The following SLC6A4 variants were observed in gnomAD, a reference collection of about 807,000 sequenced individuals.
The protein encoded by SLC6A4 is sodium-dependent serotonin transporter.
A neutral mutation model predicts 73.4 loss-of-function variants in SLC6A4; 22 were observed. That is an observed-to-expected ratio of 0.30 (90% CI 0.21 to 0.43). The LOEUF is 0.43. Ranked by LOEUF, SLC6A4 falls within the 20% of genes least tolerant of loss-of-function variation. The pLI, the probability that SLC6A4 is intolerant of heterozygous loss-of-function variation, is 1.00. For synonymous variants in SLC6A4, 270 were observed against 315.5 expected (o/e 0.86, Z 1.53); for missense variants, 593 against 808.5 (o/e 0.73, Z 3.23).
At position 30,194,882 on chromosome 17, in the gene SLC6A4, T is replaced by A. The variant is rs9896129; in HGVS notation, c.*3574A>T. On this transcript the variant is annotated 3_prime_UTR_variant, in exon 15 of 15. Coordinates refer to ENST00000650711, the MANE Select transcript of SLC6A4 (RefSeq NM_001045.6). ...CCCAAACGACAAAATTCTTCTTAGT[T>A]CAGTAGACATTCAAACTTATTCTGA... 627 of 152,316 alleles carry A rather than the reference T, an allele frequency of 4.1e-3. 5 individuals carry two copies. Among genetic ancestry groups the A allele is most frequent in the African/African-American group, 0.014 (596 of 41,564 alleles). The allele number at this position is 152,316 out of a possible 1,614,324, so 9.4% of individuals were successfully genotyped here.
intron 1 of SLC6A4, among the ~76,000 whole-genome samples, chr17:30,224,919 C>A (rs2143015888): frequency 6.6e-6 from 1 of 152,274 alleles, no homozygotes; most frequent in East Asian, 1.9e-4. Flanking sequence ...GTAAGCAGCT[C>A]CTGGAAGAGT....
chr17:30,204,097 T>C (rs1269044367), intron 13 of SLC6A4, among the ~76,000 whole-genome samples: 2 of 152,256 alleles, frequency 1.3e-5, no homozygotes, highest in Admixed American at 1.3e-4. Context: ...TCTGTGAGAA[T>C]TTTGACCAAG....
chr17:30,216,176 G>A lies in SLC6A4; in HGVS notation c.878C>T (p.Ser293Phe), dbSNP rs199909202. ...VTATFPYIIL[S>F]VLLVRGATLP... The stretch of plus-strand genomic sequence containing the variant: ...GGTGGCACCCCTCACCAGCAGGACA[G>A]AAAGGATGATATAAGGGAAGGTGGC... Residue 293 changes from serine to phenylalanine, a missense_variant, in exon 7 of 15, where the codon TCT (serine) becomes TTT (phenylalanine). Ser to Phe is a radical substitution (Grantham distance 155). Coordinates refer to ENST00000650711, the MANE Select transcript of SLC6A4 (RefSeq NM_001045.6). 1.7e-4 allele frequency: 269 copies of A among 1,609,164 alleles called. 2 individuals are homozygous for A. In the East Asian group the frequency reaches 3.9e-3, roughly 23 times the overall value.
At chr17:30,233,656 A>G (rs1434661370) in intron 1 of SLC6A4, among the ~76,000 whole-genome samples, 1 of 152,208 alleles carries the variant, frequency 6.6e-6, no homozygotes, top group Non-Finnish European at 1.5e-5. Flanking sequence ...AGAGCTGAGG[A>G]CCACGAGGAG....
chr17:30,223,051 C>T (rs1906820225), intron 1 of SLC6A4, 136 bp from the exon 2 acceptor site: 5 of 368,848 alleles, frequency 1.4e-5, no homozygotes, highest in South Asian at 1.0e-4. Context: ...GGGAAGTCAG[C>T]TCAGCTCTGG....
At chr17:30,209,545 G>C (rs527829744) in intron 11 of SLC6A4, among the ~76,000 whole-genome samples, 1 of 152,096 alleles carries the variant, frequency 6.6e-6, no homozygotes, top group East Asian at 1.9e-4. Context: ...TACTCAGGAG[G>C]CTGAGGCGGG....
chr17:30,216,262 G>A (rs1862992788), intron 6 of SLC6A4, 46 bp from the exon 7 acceptor site: 2 of 857,590 alleles, frequency 2.3e-6, no homozygotes, highest in Non-Finnish European at 3.4e-6. Flanking sequence ...GGGAGGGGAG[G>A]GGAGGGGAGG....
At chr17:30,230,390 A>G (rs911702077) in intron 1 of SLC6A4, among the ~76,000 whole-genome samples, 1 of 152,240 alleles carries the variant, frequency 6.6e-6, no homozygotes, top group East Asian at 1.9e-4. Context: ...GATAAATACA[A>G]TTTATGCAAT....
At position 30,200,120 on chromosome 17, in the gene SLC6A4, C is replaced by T. The variant is rs145267969; in HGVS notation, c.1819-1590G>A. 9.9e-4 allele frequency among the ~76,000 whole-genome samples: 151 copies of T among 152,290 alleles called. 2 individuals carry two copies. In the Middle Eastern group the frequency reaches 0.01, roughly 10 times the overall value. On this transcript the variant is annotated intron_variant, in intron 14 of 14. Transcript: ENST00000650711. ...ATAGCTCAGAGAGAGAAGAGATCAC[C>T]GAGGTGTTTGGTGGGGCAAGGCCCG...
rs150907184 is a variant in SLC6A4, at chr17:30,209,231, G to A, written c.1461C>T (p.Tyr487=). Residue 487 remains tyrosine, a synonymous_variant, in exon 12 of 15, where the codon TAC becomes TAT. Transcript: ENST00000650711. ...CATACTCCTCCAGCAGCTTCACCAC[G>A]TAGGCCCCTCCCTGGAGGGGAGAGC... is the stretch of plus-strand genomic sequence containing the variant. ...SLVTLTFGGA[Y]VVKLLEEYAT... The A allele has an allele frequency of 2.9e-5, 47 of 1,611,298 alleles. No individual in the cohort carries two copies. The highest frequency in any genetic ancestry group is 1.8e-4 in the Admixed American group (11 of 60,002).
At chr17:30,231,459 A>G (rs1236776624) in intron 1 of SLC6A4, among the ~76,000 whole-genome samples, 2 of 151,450 alleles carry the variant, frequency 1.3e-5, no homozygotes, top group Non-Finnish European at 2.9e-5. Context: ...ATGTATCTGT[A>G]TGTACATATG....
intron 13 of SLC6A4, among the ~76,000 whole-genome samples, chr17:30,206,646 T>C (rs150033095): frequency 0.013 from 1,936 of 152,136 alleles, 42 homozygotes; most frequent in African/African-American, 0.044. Flanking sequence ...CAGTTCTTTT[T>C]GTTATGTGAC....
intron 1 of SLC6A4, among the ~76,000 whole-genome samples, chr17:30,228,365 T>A (rs1356058396): frequency 1.3e-5 from 2 of 152,196 alleles, no homozygotes; most frequent in Non-Finnish European, 2.9e-5. Flanking sequence ...TAAATGACAG[T>A]GAGTTGATGT....
chr17:30,218,853 T>G lies in SLC6A4; in HGVS notation c.422A>C (p.Gln141Pro). Residue 141 changes from glutamine (Q) to proline (P), a missense_variant, in exon 4 of 15, where the codon CAG becomes CCG. Gln to Pro is a moderately conservative substitution (Grantham distance 76, BLOSUM62 -1). Coordinates refer to ENST00000650711, the MANE Select transcript of SLC6A4 (RefSeq NM_001045.6). ...PLFYMELALG[Q>P]YHRNGCISIW... ...TGAAATGCATCCATTTCGGTGGTACTGTCCCAGTGCGAGCTCCATGTAAAA... is the reference window on the plus strand; with the variant it reads ...TGAAATGCATCCATTTCGGTGGTACGGTCCCAGTGCGAGCTCCATGTAAAA... 6.2e-7 allele frequency: 1 copy of G among 1,614,122 alleles called. No individual in the cohort carries two copies. The highest frequency in any genetic ancestry group is 8.5e-7 in the Non-Finnish European group (1 of 1,179,996).
chr17:30,203,407 T>C lies in SLC6A4; in HGVS notation c.1651-68A>G, dbSNP rs373855744. On this transcript the variant is annotated intron_variant, in intron 13 of 14. Coordinates refer to ENST00000650711, the MANE Select transcript of SLC6A4 (RefSeq NM_001045.6). ...TCCACTCAGATAGAGATGTTTCCGA[T>C]ACCACAAACACCAAATGCTAAAGCT... 10 of 1,281,674 alleles carry C rather than the reference T, an allele frequency of 7.8e-6. No individual in the cohort carries two copies. In the African/African-American group the frequency reaches 1.2e-4, roughly 15 times the overall value. 79.4% of individuals were successfully genotyped at this position (1,281,674 alleles called of 1,614,324 possible).
chr17:30,201,431 T>C (rs565524633), intron 14 of SLC6A4, among the ~76,000 whole-genome samples: 13 of 152,252 alleles, frequency 8.5e-5, no homozygotes, highest in South Asian at 2.1e-4. Flanking sequence ...TGACACACTT[T>C]TGGGTGGCAT....
chr17:30,208,204 C>T (rs1475507543), intron 12 of SLC6A4, among the ~76,000 whole-genome samples: 1 of 152,108 alleles, frequency 6.6e-6, no homozygotes, highest in Non-Finnish European at 1.5e-5. Flanking sequence ...GGTGCCACAC[C>T]GCCTTCCTGA....
Position 30,222,812 on chromosome 17 carries a change from T to G in SLC6A4, c.-124+7A>C. The G allele has an allele frequency of 7.7e-7, 1 of 1,304,690 alleles. No individual in the cohort carries two copies. The highest frequency in any genetic ancestry group is 1.0e-6 in the Non-Finnish European group (1 of 988,950). 80.8% of individuals were successfully genotyped at this position (1,304,690 alleles called of 1,614,324 possible). Reference sequence around the variant, plus strand: ...CCGACTGGTCCTTAAACGGCACTGCTGCTCACCATTTGTTCTTCTTTCCAC... The same window carrying G: ...CCGACTGGTCCTTAAACGGCACTGCGGCTCACCATTTGTTCTTCTTTCCAC... On this transcript the variant is annotated splice_region_variant and intron_variant, in intron 2 of 14. Transcript: ENST00000650711.
chr17:30,222,224 A>G, intron 2 of SLC6A4, 143 bp from the exon 3 acceptor site: 1 of 547,482 alleles, frequency 1.8e-6, no homozygotes. Flanking sequence ...TATTTGCTAC[A>G]TGGCAGTCCA....
Sources: gnomAD v4.1 joint callset for allele counts (sites outside exome capture counted in the v4.1 genomes callset) on GRCh38, gnomAD v4.1.1 for gene constraint, MANE v1.5 for transcripts, NCBI Gene and HGNC (gene_info 2026-07-23, HGNC 2026-07-21) for gene names.